Variants in PATJ observed in about 807,000 individuals in gnomAD.
PATJ encodes the protein PATJ crumbs cell polarity complex component, also known as inaD-like protein.
PATJ carries 190 observed loss-of-function variants against 224.9 expected under a neutral mutation model. The observed-to-expected ratio is 0.84, with a 90% CI of 0.75 to 0.95. The LOEUF (loss-of-function observed/expected upper bound fraction) is 0.95. PATJ is among the 40% of genes least tolerant of loss of function. The probability of loss-of-function intolerance (pLI) is 0.00; values close to 1 mark genes in which losing one functional copy is unlikely to be tolerated. For missense variants in PATJ, 2,121 were observed against 2,270.3 expected (o/e 0.93, Z 1.34); for synonymous variants, 769 against 820.3 (o/e 0.94, Z 1.07).
At chr1:62,043,976 GC>G (rs1652025232) in intron 30 of PATJ, among the ~76,000 whole-genome samples, 1 of 152,116 alleles carries the variant, frequency 6.6e-6, no homozygotes, top group African/African-American at 2.4e-5. Flanking sequence ...TCCCACCTCA[GC>G]CCCTCGAGAC....
At chr1:61,865,231 T>TC (rs61573615) in intron 20 of PATJ, 1 of 150,052 alleles carries the variant, frequency 6.7e-6, no homozygotes, top group Non-Finnish European at 1.5e-5. Flanking sequence ...TTTTTTTTTT[T>TC]CTGAGACAGG....
chr1:61,775,105 A>C, intron 6 of PATJ, 101 bp from the exon 7 acceptor site: 2 of 1,220,386 alleles, frequency 1.6e-6, no homozygotes, highest in South Asian at 3.4e-5. Context: ...ATGAATGTTC[A>C]ATTTGTTGCA....
intron 28 of PATJ, among the ~76,000 whole-genome samples, chr1:61,999,070 G>A (rs1168504446): frequency 6.6e-6 from 1 of 151,630 alleles, no homozygotes; most frequent in Non-Finnish European, 1.5e-5. Context: ...GATGATTGAA[G>A]AAGCAGATTA....
chr1:62,098,125 C>G (rs959570955), intron 33 of PATJ, among the ~76,000 whole-genome samples: 1 of 151,526 alleles, frequency 6.6e-6, no homozygotes, highest in African/African-American at 2.4e-5. Flanking sequence ...TTTAGGAGGC[C>G]GAGGCAGGTG....
In PATJ at chr1:61,860,393, A is replaced by G. The variant is rs566604664; in HGVS notation, c.2323-1158A>G. Among the ~76,000 whole-genome samples, 9 of 152,268 alleles carry G rather than the reference A, an allele frequency of 5.9e-5. No homozygotes were observed. The South Asian group carries it at 1.2e-3, about 21-fold the overall frequency. On this transcript the variant is annotated intron_variant, in intron 18 of 43. Transcript: ENST00000642238. ...ACTTTAAAAACTGCATTATATCTTC[A>G]GAAGTGATGGAGCAGAACTGACAAT...
chr1:61,817,360 T>C (rs1656321813), intron 14 of PATJ, among the ~76,000 whole-genome samples: 1 of 152,134 alleles, frequency 6.6e-6, no homozygotes, highest in East Asian at 1.9e-4. Flanking sequence ...TTTTGAACAT[T>C]CTGAATTAAA....
intron 1 of PATJ, among the ~76,000 whole-genome samples, chr1:61,750,563 G>C (rs1645269134): frequency 6.7e-6 from 1 of 149,966 alleles, no homozygotes; most frequent in South Asian, 2.1e-4. Flanking sequence ...TATTACTACT[G>C]AGTAGCTGGG....
At chr1:61,765,348 A>T (rs754256027) in intron 3 of PATJ, among the ~76,000 whole-genome samples, 3 of 150,742 alleles carry the variant, frequency 2.0e-5, no homozygotes, top group Non-Finnish European at 4.4e-5. Context: ...AAGTGCTGGG[A>T]TTACAGGTGT....
At chr1:61,742,854 C>T (rs1644831697) in intron 1 of PATJ, among the ~76,000 whole-genome samples, 1 of 151,272 alleles carries the variant, frequency 6.6e-6, no homozygotes, top group Non-Finnish European at 1.5e-5. Flanking sequence ...GGTCCCCGCC[C>T]CGCCGCGCAG....
chr1:61,937,279 C>T (rs999374019), intron 27 of PATJ, among the ~76,000 whole-genome samples: 2 of 152,084 alleles, frequency 1.3e-5, no homozygotes, highest in African/African-American at 4.8e-5. Flanking sequence ...GTCACCCAGG[C>T]TAGAGTGCAG....
chr1:62,126,755 T>A (rs538604613), intron 39 of PATJ, among the ~76,000 whole-genome samples: 42 of 152,350 alleles, frequency 2.8e-4, no homozygotes, highest in Admixed American at 8.5e-4. Context: ...TGTGGCAGTT[T>A]AATCATAAAC....
chr1:62,052,516 C>T (rs1653819324), intron 31 of PATJ, among the ~76,000 whole-genome samples: 1 of 151,118 alleles, frequency 6.6e-6, no homozygotes, highest in African/African-American at 2.4e-5. Context: ...CCAAGGCGGG[C>T]AGATCACCTG....
At chr1:61,923,498 G>C (rs1289064110) in intron 26 of PATJ, among the ~76,000 whole-genome samples, 1 of 151,808 alleles carries the variant, frequency 6.6e-6, no homozygotes, top group South Asian at 2.1e-4. Context: ...AGTTTTTTTT[G>C]TTTATCTTAT....
chr1:62,154,369 A>G (rs1007930692), intron 43 of PATJ, among the ~76,000 whole-genome samples: 5 of 152,068 alleles, frequency 3.3e-5, no homozygotes, highest in Admixed American at 3.3e-4. Flanking sequence ...GTTTTCCTAA[A>G]GAAATAAAGG....
chr1:61,810,006 C>A (rs1028049306), intron 14 of PATJ, among the ~76,000 whole-genome samples: 1 of 151,812 alleles, frequency 6.6e-6, no homozygotes, highest in East Asian at 2.0e-4. Context: ...TGTCACCACC[C>A]CCGGCTAATT....
intron 15 of PATJ, among the ~76,000 whole-genome samples, chr1:61,824,326 A>G (rs1478064214): frequency 6.6e-6 from 1 of 151,560 alleles, no homozygotes; most frequent in Non-Finnish European, 1.5e-5. Context: ...CAGTCTCCCA[A>G]AGTGCTGGGA....
chr1:61,903,244 C>T (rs1671436097), intron 24 of PATJ, among the ~76,000 whole-genome samples: 1 of 152,146 alleles, frequency 6.6e-6, no homozygotes, highest in Non-Finnish European at 1.5e-5. Flanking sequence ...AGAATGGCGG[C>T]CTGGACCAGG....
intron 34 of PATJ, 152 bp downstream of exon 34, chr1:62,108,672 A>G: frequency 2.1e-6 from 1 of 466,522 alleles, no homozygotes; most frequent in Non-Finnish European, 3.8e-6. Context: ...TTCAGTGTAC[A>G]TTATACAGTG....
intron 28 of PATJ, among the ~76,000 whole-genome samples, chr1:62,013,046 A>G (rs74555777): frequency 1.3e-5 from 2 of 152,262 alleles, no homozygotes; most frequent in Non-Finnish European, 2.9e-5. Context: ...ACTGGAAAAA[A>G]CATCAACAGC....
Sources: gnomAD v4.1 joint callset for allele counts (sites outside exome capture counted in the v4.1 genomes callset) on GRCh38, gnomAD v4.1.1 for gene constraint, MANE v1.5 for transcripts, NCBI Gene and HGNC (gene_info 2026-07-23, HGNC 2026-07-21) for gene names.